MEOX1: variants seen among roughly 807,000 people sequenced by gnomAD.
MEOX1 encodes homeobox protein MOX-1.
Under a neutral mutation model 23.2 loss-of-function variants are expected in MEOX1, and 17 were observed. The ratio of observed to expected loss-of-function variants is 0.73; its 90% CI spans 0.50 to 1.10. The LOEUF is 1.10. Among genes scored for constraint, MEOX1 ranks in the 50% least tolerant of loss-of-function variants. The pLI, the probability that MEOX1 is intolerant of heterozygous loss-of-function variation, is 0.00. For synonymous variants in MEOX1, 134 were observed against 135.1 expected (o/e 0.99, Z 0.06); for missense variants, 333 against 332.2 (o/e 1.00, Z -0.02).
intron 1 of MEOX1, among the ~76,000 whole-genome samples, chr17:43,652,825 C>CTTA (rs1567746229): frequency 1.1e-4 from 8 of 71,070 alleles, no homozygotes; most frequent in Non-Finnish European, 7.7e-5. Context: ...TCTACTATTG[C>CTTA]TTTTTTTTTT....
chr17:43,661,228 G>A lies in MEOX1; in HGVS notation c.307C>T (p.Arg103Cys), dbSNP rs753373038. 1.2e-6 allele frequency: 2 copies of A among 1,609,412 alleles called. No homozygotes were observed. The highest frequency in any genetic ancestry group is 1.7e-6 in the Non-Finnish European group (2 of 1,177,474). The change falls in exon 1 of 3, where the codon CGC becomes TGC. Residue 103 changes from arginine to cysteine, a missense_variant. Transcript: ENST00000318579. ...NWHFPVSDAR[R>C]RPNSGPAGGS... ...CCTGCCGGGCCTGAGTTGGGCCTGCGCCGGGCGTCTGAGACAGGGAAGTGC... is the reference window on the plus strand; with the variant it reads ...CCTGCCGGGCCTGAGTTGGGCCTGCACCGGGCGTCTGAGACAGGGAAGTGC...
intron 1 of MEOX1, among the ~76,000 whole-genome samples, chr17:43,653,733 T>C (rs12936952): frequency 0.18 from 26,897 of 149,284 alleles, 3,681 homozygotes; most frequent in African/African-American, 0.38. Context: ...TGGTTTTGAT[T>C]TCTTGAGCTC....
At chr17:43,643,159 A>C (rs892954581) in intron 2 of MEOX1, among the ~76,000 whole-genome samples, 1 of 151,906 alleles carries the variant, frequency 6.6e-6, no homozygotes, top group Non-Finnish European at 1.5e-5. Context: ...AAAAAAAAAC[A>C]AAAATTAGCC....
At chr17:43,644,014 A>G (rs943839891) in intron 1 of MEOX1, among the ~76,000 whole-genome samples, 1 of 151,862 alleles carries the variant, frequency 6.6e-6, no homozygotes, top group Non-Finnish European at 1.5e-5. Context: ...GAGGGGTGAG[A>G]TGCTCTAAAA....
At chr17:43,658,479 C>T (rs1973080400) in intron 1 of MEOX1, among the ~76,000 whole-genome samples, 2 of 139,246 alleles carry the variant, frequency 1.4e-5, no homozygotes, top group Admixed American at 8.0e-5. Flanking sequence ...TGCACTCCAG[C>T]ATGGGCGTTA....
At chr17:43,656,521 C>T (rs1973022632) in intron 1 of MEOX1, among the ~76,000 whole-genome samples, 1 of 152,024 alleles carries the variant, frequency 6.6e-6, no homozygotes, top group South Asian at 2.1e-4. Context: ...AGGCATAGAG[C>T]AGGTCTTGCA....
chr17:43,654,462 C>T (rs1331870255), intron 1 of MEOX1, among the ~76,000 whole-genome samples: 1 of 151,990 alleles, frequency 6.6e-6, no homozygotes, highest in African/African-American at 2.4e-5. Context: ...GAGCCGTGAT[C>T]ACGCCATTGT....
intron 1 of MEOX1, among the ~76,000 whole-genome samples, chr17:43,645,337 C>T (rs1198161130): frequency 1.3e-5 from 2 of 151,888 alleles, no homozygotes; most frequent in Non-Finnish European, 2.9e-5. Context: ...CCACCACGCC[C>T]GGCAAATTTT....
chr17:43,655,477 A>G (rs1972997699), intron 1 of MEOX1, among the ~76,000 whole-genome samples: 1 of 151,864 alleles, frequency 6.6e-6, no homozygotes, highest in African/African-American at 2.4e-5. Context: ...CTCAAAAAAA[A>G]AAAAAAGAAG....
chr17:43,660,651 CTTCCCTGG>C (rs1973119060), intron 1 of MEOX1, among the ~76,000 whole-genome samples: 1 of 152,208 alleles, frequency 6.6e-6, no homozygotes, highest in Non-Finnish European at 1.5e-5. Flanking sequence ...CTCAGCTGAA[CTTCCCTGG>C]TAAGCGAGCC....
chr17:43,657,002 T>TTC (rs1973033449), intron 1 of MEOX1, among the ~76,000 whole-genome samples: 1 of 121,026 alleles, frequency 8.3e-6, no homozygotes, highest in Non-Finnish European at 1.6e-5. Context: ...TTCTTTTTCT[T>TTC]TCTTTCTTTC....
rs557527112 is a variant in MEOX1 at position 43,648,708 on chromosome 17, C to A, written c.470-5048G>T. On this transcript the variant is annotated intron_variant, in intron 1 of 2. Transcript: ENST00000318579. ...CCCTACTCTCTCTTCCATTGAGAAC[C>A]CTTAGCCTTGATGAAGTCTGAGGCT... 7.2e-5 allele frequency among the ~76,000 whole-genome samples: 11 copies of A among 152,218 alleles called. No homozygotes were observed. In the South Asian group the frequency reaches 1.5e-3, roughly 20 times the overall value.
intron 1 of MEOX1, among the ~76,000 whole-genome samples, chr17:43,650,523 C>T (rs189253458): frequency 3.3e-3 from 508 of 152,302 alleles, no homozygotes; most frequent in Non-Finnish European, 4.1e-3. Flanking sequence ...CCTCATGTCA[C>T]GCTGCCCTCG....
At position 43,643,496 on chromosome 17, in the gene MEOX1, C is replaced by T. The variant is rs766674093; in HGVS notation, c.634G>A (p.Glu212Lys). 1 of 1,587,768 alleles carries T rather than the reference C, an allele frequency of 6.3e-7. No homozygotes were observed. Among genetic ancestry groups the T allele is most frequent in the Non-Finnish European group, 8.6e-7 (1 of 1,166,654 alleles). The change falls in exon 2 of 3, where the codon GAG becomes AAG. Residue 212 changes from glutamate (E) to lysine (K), a missense_variant. Physicochemically the swap from Glu to Lys is moderately conservative, Grantham distance 56 (BLOSUM62 1). Coordinates refer to ENST00000318579, the MANE Select transcript of MEOX1 (RefSeq NM_004527.4). ...GCCCACCGGGGGCGCACCTGGCGCT[C>T]AGAGAGGTCCAGGTTTACCGCAATC... is the stretch of plus-strand genomic sequence containing the variant. ...YEIAVNLDLSERQVKVWFQNR... is the reference protein window; with the variant it reads ...YEIAVNLDLSKRQVKVWFQNR...
intron 1 of MEOX1, among the ~76,000 whole-genome samples, chr17:43,644,569 A>G (rs1417033887): frequency 6.6e-6 from 1 of 152,214 alleles, no homozygotes; most frequent in Non-Finnish European, 1.5e-5. Context: ...TTATTCAGCC[A>G]GGGGGTGTGG....
At chr17:43,642,675 G>A (rs781319304) in intron 2 of MEOX1, among the ~76,000 whole-genome samples, 2 of 143,816 alleles carry the variant, frequency 1.4e-5, no homozygotes, top group Admixed American at 6.6e-5. Context: ...GGTGGCTGAA[G>A]GGAAAGTCCA....
chr17:43,646,423 G>A (rs1260105368), intron 1 of MEOX1, among the ~76,000 whole-genome samples: 2 of 152,180 alleles, frequency 1.3e-5, no homozygotes, highest in Non-Finnish European at 2.9e-5. Context: ...CGACGGGCGC[G>A]GTCGGGGACT....
chr17:43,643,553 G>C lies in MEOX1; in HGVS notation c.577C>G (p.His193Asp). The C allele has an allele frequency of 6.2e-7, 1 of 1,611,582 alleles. No homozygotes were observed. Among genetic ancestry groups the C allele is most frequent in the Non-Finnish European group, 8.5e-7 (1 of 1,179,084 alleles). The change falls in exon 2 of 3, where the codon CAT becomes GAT. Residue 193 changes from histidine to aspartate, a missense_variant. By Grantham distance (81) the His-to-Asp change is moderately conservative. Coordinates refer to ENST00000318579, the MANE Select transcript of MEOX1 (RefSeq NM_004527.4). The stretch of plus-strand genomic sequence containing the variant: ...CTGCGGAGCCGAGTCAGGTAGTTAT[G>C]ATGGGCAAACTCTGCCTCCAGCTCT... ...LRELEAEFAHHNYLTRLRRYE... is the reference protein window; with the variant it reads ...LRELEAEFAHDNYLTRLRRYE...
chr17:43,644,366 C>G (rs932513343), intron 1 of MEOX1, among the ~76,000 whole-genome samples: 3 of 152,240 alleles, frequency 2.0e-5, no homozygotes, highest in Non-Finnish European at 4.4e-5. Context: ...CCCTCTGAAG[C>G]AGGCTGCATG....
Sources: allele counts gnomAD v4.1 joint callset (sites outside exome capture counted in the v4.1 genomes callset), GRCh38; gene constraint gnomAD v4.1.1; transcripts MANE v1.5; gene names NCBI Gene and HGNC (gene_info 2026-07-23, HGNC 2026-07-21).